The following LARP4B variants were observed in gnomAD, a reference collection of about 807,000 sequenced individuals.
The protein encoded by LARP4B is la-related protein 4B.
In LARP4B, 12 loss-of-function variants were observed where a neutral mutation model predicts 89.8. That is an observed-to-expected ratio of 0.13 (90% CI 0.09 to 0.22). LARP4B has a LOEUF of 0.22. Ranked by LOEUF, LARP4B falls within the 10% of genes least tolerant of loss-of-function variation. The pLI is 1.00. For missense variants in LARP4B, 757 were observed against 947.7 expected (o/e 0.80, Z 2.64); for synonymous variants, 367 against 363.3 (o/e 1.01, Z -0.12).
intron 5 of LARP4B, among the ~76,000 whole-genome samples, chr10:851,278 G>A (rs1336550875): frequency 2.0e-5 from 3 of 151,422 alleles, no homozygotes; most frequent in Admixed American, 6.6e-5. Flanking sequence ...ACGTTTCCTG[G>A]GTTCAAGCAG....
chr10:948,102 G>A, the LARP4B span, among the ~76,000 whole-genome samples: 1 of 151,888 alleles, frequency 6.6e-6, no homozygotes, highest in Non-Finnish European at 1.5e-5. Flanking sequence ...ACCCACCACC[G>A]AGATTCCTGC....
intron 7 of LARP4B, among the ~76,000 whole-genome samples, chr10:839,994 T>C (rs1833442900): frequency 6.6e-6 from 1 of 152,016 alleles, no homozygotes; most frequent in Admixed American, 6.6e-5. Flanking sequence ...TAAACAACAA[T>C]AGTTATGCCA....
intron 5 of LARP4B, among the ~76,000 whole-genome samples, chr10:859,070 G>A (rs1834454258): frequency 6.6e-6 from 1 of 152,026 alleles, no homozygotes; most frequent in African/African-American, 2.4e-5. Context: ...GCAGAGGTCA[G>A]GAGTTTGAGA....
downstream of LARP4B, chr10:808,763 A>G (rs1009776535): frequency 6.6e-6 from 1 of 151,648 alleles, no homozygotes; most frequent in Non-Finnish European, 1.5e-5. Context: ...ACACACACAC[A>G]CACACGCACA....
chr10:807,734 A>C (rs1555897), downstream of LARP4B: 55,833 of 152,284 alleles, frequency 0.37, 10,884 homozygotes, highest in South Asian at 0.46. Flanking sequence ...ACACACTTGG[A>C]TATGGCCTGG....
intron 1 of LARP4B, among the ~76,000 whole-genome samples, chr10:886,107 C>T (rs191999569): frequency 5.6e-4 from 85 of 152,164 alleles, no homozygotes; most frequent in African/African-American, 2.0e-3. Context: ...ACTCACACCA[C>T]TCGATAGCAA....
At chr10:878,749 TTC>T (rs1356396939) in intron 3 of LARP4B, among the ~76,000 whole-genome samples, 5 of 152,226 alleles carry the variant, frequency 3.3e-5, no homozygotes, top group African/African-American at 1.2e-4. Flanking sequence ...GATGTGACTA[TTC>T]TCTCAGTACA....
chr10:823,304 A>G (rs1832451072), intron 13 of LARP4B, among the ~76,000 whole-genome samples: 2 of 152,134 alleles, frequency 1.3e-5, no homozygotes. Context: ...GTGGGAGGAC[A>G]GTTGTCCTCC....
intron 8 of LARP4B, among the ~76,000 whole-genome samples, chr10:833,035 G>C (rs1832989967): frequency 6.6e-6 from 1 of 152,012 alleles, no homozygotes; most frequent in Non-Finnish European, 1.5e-5. Flanking sequence ...GTGGAGAATG[G>C]GAGAGCATGG....
chr10:807,565 A>C (rs1441415834), downstream of LARP4B: 1 of 152,240 alleles, frequency 6.6e-6, no homozygotes, highest in Admixed American at 6.5e-5. Flanking sequence ...GGAGCTGCTC[A>C]CCCCGTGCTC....
rs1049236092 is a variant in LARP4B, at chr10:812,710, C to A, written c.*216G>T. ...CTTATGCATCACCTCCAGTTAAGCACCAACCTAAAATAAGGTTTGTATTAA... is the reference window on the plus strand; with the variant it reads ...CTTATGCATCACCTCCAGTTAAGCAACAACCTAAAATAAGGTTTGTATTAA... On this transcript the variant is annotated 3_prime_UTR_variant, in exon 18 of 18. Transcript: ENST00000316157. 1 of 390,742 alleles carries A rather than the reference C, an allele frequency of 2.6e-6. No individual in the cohort carries two copies. Among genetic ancestry groups the A allele is most frequent in the Non-Finnish European group, 4.5e-6 (1 of 223,230 alleles). The allele number at this position is 390,742 out of a possible 1,614,324, so 24.2% of individuals were successfully genotyped here.
At chr10:863,400 A>AT (rs1279380085) in intron 5 of LARP4B, among the ~76,000 whole-genome samples, 2,125 of 147,350 alleles carry the variant, frequency 0.014, 59 homozygotes, top group African/African-American at 0.049. Flanking sequence ...TTTTTTTTGT[A>AT]TTTTTTTTTT....
chr10:840,710 TTA>T, intron 7 of LARP4B, among the ~76,000 whole-genome samples: 1 of 152,332 alleles, frequency 6.6e-6, no homozygotes, highest in East Asian at 1.9e-4. Flanking sequence ...GAAATGTAAC[TTA>T]TGCAACTTAA....
chr10:942,599 T>C, the LARP4B span: 2 of 152,210 alleles, frequency 1.3e-5, no homozygotes, highest in Non-Finnish European at 2.9e-5. Context: ...GAAAGAAAGA[T>C]ACTGATATGC....
chr10:919,295 G>A (rs1798999842), intron 1 of LARP4B, among the ~76,000 whole-genome samples: 1 of 152,044 alleles, frequency 6.6e-6, no homozygotes, highest in African/African-American at 2.4e-5. Flanking sequence ...CTAAGAGCTG[G>A]GTATTACTTG....
chr10:922,422 C>A (rs1206092541), intron 1 of LARP4B, among the ~76,000 whole-genome samples: 1 of 152,210 alleles, frequency 6.6e-6, no homozygotes, highest in Non-Finnish European at 1.5e-5. Flanking sequence ...CTGGTAACAA[C>A]TGTCAATGGA....
intron 15 of LARP4B, among the ~76,000 whole-genome samples, chr10:817,192 T>G (rs1832108190): frequency 6.6e-6 from 1 of 152,224 alleles, no homozygotes; most frequent in African/African-American, 2.4e-5. Context: ...AGTGCTGGGC[T>G]GAGTGTCCTC....
At chr10:940,178 C>T in the LARP4B span, among the ~76,000 whole-genome samples, 481 of 152,244 alleles carry the variant, frequency 3.2e-3, 2 homozygotes, top group African/African-American at 0.011. Flanking sequence ...CCACCACGCC[C>T]GGCTAATTTT....
At chr10:826,727 T>C (rs1832645928) in intron 11 of LARP4B, among the ~76,000 whole-genome samples, 2 of 152,202 alleles carry the variant, frequency 1.3e-5, no homozygotes, top group South Asian at 4.1e-4. Flanking sequence ...ACTTAGTTCC[T>C]GAGGGCCTTC....
Sources: allele counts gnomAD v4.1 joint callset (sites outside exome capture counted in the v4.1 genomes callset), GRCh38; gene constraint gnomAD v4.1.1; transcripts MANE v1.5; gene names NCBI Gene and HGNC (gene_info 2026-07-23, HGNC 2026-07-21).